RRAS2: variants seen among roughly 807,000 people sequenced by gnomAD.
RRAS2 encodes the protein RAS related 2.
In RRAS2, 7 loss-of-function variants were observed where a neutral mutation model predicts 27.6. The ratio of observed to expected loss-of-function variants is 0.25; its 90% CI spans 0.14 to 0.48. The LOEUF (loss-of-function observed/expected upper bound fraction) is 0.48. Ranked by LOEUF, RRAS2 falls within the 20% of genes least tolerant of loss-of-function variation. The pLI, the probability that RRAS2 is intolerant of heterozygous loss-of-function variation, is 0.99. For missense variants in RRAS2, 178 were observed against 256.2 expected, an observed-to-expected ratio of 0.69 and a Z score of 2.08; for synonymous variants, 86 against 90.9, an observed-to-expected ratio of 0.95 and a Z score of 0.31.
chr11:14,339,943 G>A (rs1199587278), intron 1 of RRAS2, among the ~76,000 whole-genome samples: 10 of 151,654 alleles, frequency 6.6e-5, no homozygotes, highest in Non-Finnish European at 8.8e-5. Context: ...GAGAGACCCC[G>A]TCCCTACTAA....
At chr11:14,341,640 G>T (rs1299025027) in intron 1 of RRAS2, among the ~76,000 whole-genome samples, 1 of 151,996 alleles carries the variant, frequency 6.6e-6, no homozygotes, top group Non-Finnish European at 1.5e-5. Context: ...GAAAACCCCT[G>T]AAGAAAACAC....
At chr11:14,338,832 C>T (rs1554952868) in intron 1 of RRAS2, among the ~76,000 whole-genome samples, 1 of 151,224 alleles carries the variant, frequency 6.6e-6, no homozygotes, top group East Asian at 1.9e-4. Context: ...TTTTTTTTTT[C>T]CACCACAATA....
intron 1 of RRAS2, among the ~76,000 whole-genome samples, chr11:14,337,907 A>T (rs1848619910): frequency 1.3e-5 from 2 of 152,240 alleles, no homozygotes; most frequent in South Asian, 4.1e-4. Flanking sequence ...GAATGGCTAA[A>T]GAAAGTTCCT....
intron 5 of RRAS2, among the ~76,000 whole-genome samples, chr11:14,280,826 T>C (rs1312502538): frequency 2.0e-5 from 3 of 146,682 alleles, no homozygotes; most frequent in South Asian, 4.3e-4. Flanking sequence ...GAGCAGAGTA[T>C]GAAACAGGGG....
chr11:14,311,678 C>T (rs1847971677), intron 1 of RRAS2, among the ~76,000 whole-genome samples: 1 of 151,952 alleles, frequency 6.6e-6, no homozygotes, highest in Non-Finnish European at 1.5e-5. Context: ...CATAAAAGTA[C>T]TTTAAATGTA....
At chr11:14,353,231 A>C (rs942295857) in intron 1 of RRAS2, among the ~76,000 whole-genome samples, 1 of 152,124 alleles carries the variant, frequency 6.6e-6, no homozygotes, top group African/African-American at 2.4e-5. Flanking sequence ...ATGATATTTC[A>C]GCAATCAGAT....
chr11:14,332,589 A>C (rs1554952067), intron 1 of RRAS2, among the ~76,000 whole-genome samples: 1 of 152,208 alleles, frequency 6.6e-6, no homozygotes, highest in African/African-American at 2.4e-5. Context: ...CCAAGCAAAA[A>C]CATCCCAGAC....
intron 1 of RRAS2, among the ~76,000 whole-genome samples, chr11:14,301,976 C>A (rs1472364371): frequency 6.6e-6 from 1 of 151,808 alleles, no homozygotes; most frequent in African/African-American, 2.4e-5. Flanking sequence ...GAGCGAGACT[C>A]TTTCAAAAAT....
At chr11:14,302,863 GT>G (rs1488626930) in intron 1 of RRAS2, among the ~76,000 whole-genome samples, 1 of 152,206 alleles carries the variant, frequency 6.6e-6, no homozygotes, top group Non-Finnish European at 1.5e-5. Flanking sequence ...CCCGGACACA[GT>G]TCTATCAGTT....
intron 4 of RRAS2, among the ~76,000 whole-genome samples, chr11:14,282,414 A>G (rs1272568377): frequency 1.3e-5 from 2 of 152,214 alleles, no homozygotes; most frequent in African/African-American, 4.8e-5. Context: ...GATCAAGGAA[A>G]GGTGGCATAG....
chr11:14,293,631 C>T (rs1554946139), intron 4 of RRAS2, among the ~76,000 whole-genome samples: 2 of 152,112 alleles, frequency 1.3e-5, no homozygotes, highest in African/African-American at 4.8e-5. Context: ...TCTTGCCTGC[C>T]GTCATGTAAG....
chr11:14,307,052 A>G (rs1847846785), intron 1 of RRAS2, among the ~76,000 whole-genome samples: 1 of 152,046 alleles, frequency 6.6e-6, no homozygotes, highest in African/African-American at 2.4e-5. Context: ...TTAGCAGGGC[A>G]TGATGGCACA....
intron 4 of RRAS2, among the ~76,000 whole-genome samples, chr11:14,284,230 C>T (rs1208350680): frequency 1.3e-5 from 2 of 152,006 alleles, no homozygotes; most frequent in Admixed American, 1.3e-4. Flanking sequence ...ATGTTGTGTT[C>T]TAATTTTCAT....
At chr11:14,304,286 C>A (rs975616249) in intron 1 of RRAS2, among the ~76,000 whole-genome samples, 1 of 152,166 alleles carries the variant, frequency 6.6e-6, no homozygotes, top group South Asian at 2.1e-4. Flanking sequence ...TCCTCTCCTC[C>A]ACTACGTGTG....
rs144313331 is a variant in RRAS2 at position 14,318,021 on chromosome 11, G to A, written c.109-22166C>T. On this transcript the variant is annotated intron_variant, in intron 1 of 5. Coordinates refer to ENST00000256196, the MANE Select transcript of RRAS2 (RefSeq NM_012250.6). ...AGGTCATTTTCAAACGGAGCAGGAA[G>A]AATAAAGGAATCATTTTCATGATAT... 2.4e-3 allele frequency among the ~76,000 whole-genome samples: 363 copies of A among 152,292 alleles called. 1 individual carries two copies. The highest frequency in any genetic ancestry group is 8.4e-3 in the African/African-American group (349 of 41,558).
At chr11:14,323,072 T>C in intron 1 of RRAS2, among the ~76,000 whole-genome samples, 1 of 152,164 alleles carries the variant, frequency 6.6e-6, no homozygotes, top group East Asian at 1.9e-4. Context: ...GAGAATACTA[T>C]GAACAACTTT....
intron 1 of RRAS2, among the ~76,000 whole-genome samples, chr11:14,306,891 TAAAAAA>T (rs11287532): frequency 1.5e-5 from 2 of 133,182 alleles, no homozygotes; most frequent in African/African-American, 5.7e-5. Context: ...TGTGCCAAGA[TAAAAAA>T]AAAAAAAAAA....
chr11:14,339,968 A>T (rs1848667267), intron 1 of RRAS2, among the ~76,000 whole-genome samples: 2 of 151,650 alleles, frequency 1.3e-5, no homozygotes, highest in South Asian at 4.2e-4. Flanking sequence ...ACACACAAAA[A>T]AATAGCCGGG....
chr11:14,344,215 AAAT>A (rs1554953765), intron 1 of RRAS2, among the ~76,000 whole-genome samples: 1 of 152,218 alleles, frequency 6.6e-6, no homozygotes, highest in Non-Finnish European at 1.5e-5. Context: ...CATTATCTGA[AAAT>A]AATAATTCAT....
Sources: gnomAD v4.1 joint callset for allele counts (sites outside exome capture counted in the v4.1 genomes callset) on GRCh38, gnomAD v4.1.1 for gene constraint, MANE v1.5 for transcripts, NCBI Gene and HGNC (gene_info 2026-07-23, HGNC 2026-07-21) for gene names.